The following AACS variants were observed in gnomAD, a reference collection of about 807,000 sequenced individuals.
AACS encodes acetoacetate-CoA ligase.
A neutral mutation model predicts 83.1 loss-of-function variants in AACS; 69 were observed. That is an observed-to-expected ratio of 0.83 (90% CI 0.68 to 1.01). AACS has a LOEUF of 1.01. Among genes scored for constraint, AACS ranks in the 50% least tolerant of loss-of-function variants. AACS has a pLI of 0.00. For missense variants in AACS, 866 were observed against 882.2 expected, an observed-to-expected ratio of 0.98 and a Z score of 0.23; for synonymous variants, 333 against 343.4, an observed-to-expected ratio of 0.97 and a Z score of 0.33.
intron 15 of AACS, among the ~76,000 whole-genome samples, chr12:125,134,285 GTGCC>G (rs1957369508): frequency 2.6e-5 from 4 of 152,198 alleles, no homozygotes; most frequent in Non-Finnish European, 5.9e-5. Flanking sequence ...CCCCACCCCT[GTGCC>G]TGTGCACACA....
intron 3 of AACS, among the ~76,000 whole-genome samples, chr12:125,080,470 G>C (rs912648932): frequency 6.7e-6 from 1 of 149,266 alleles, no homozygotes; most frequent in Non-Finnish European, 1.5e-5. Context: ...TGGGTGGGGT[G>C]TCTCTCTCTC....
At chr12:125,066,364 T>C (rs2136020903) in intron 1 of AACS, among the ~76,000 whole-genome samples, 1 of 150,914 alleles carries the variant, frequency 6.6e-6, no homozygotes, top group South Asian at 2.1e-4. Context: ...GGGTAACCGC[T>C]CCGGGTGCTC....
chr12:125,118,553 G>C, intron 9 of AACS, 88 bp from the exon 10 acceptor site: 2 of 1,556,192 alleles, frequency 1.3e-6, no homozygotes, highest in South Asian at 1.2e-5. Flanking sequence ...ATCTTAGGTG[G>C]TTTCCCAGGG....
In AACS at chr12:125,102,809, G is replaced by T. The variant is rs763625104; in HGVS notation, c.685+16G>T. The T allele has an allele frequency of 6.2e-7, 1 of 1,611,112 alleles. No homozygotes were observed. Among genetic ancestry groups the T allele is most frequent in the Non-Finnish European group, 8.5e-7 (1 of 1,177,342 alleles). On this transcript the variant is annotated intron_variant, in intron 6 of 17. Transcript: ENST00000316519. ...GTGGTTAAAGGTGTGTGGCCCTTCC[G>T]GCTCCCAGCCGGCATGGCTGGGTGT...
rs367733773 is a variant in AACS, at chr12:125,111,303, G to A, written c.916-3174G>A. On this transcript the variant is annotated intron_variant, in intron 8 of 17. Transcript: ENST00000316519. ...GCATTTTTAGAAATCTTGCAGACAA[G>A]GGTCGGGGCGGGGGCGGGTGTATGT... Among the ~76,000 whole-genome samples the A allele has an allele frequency of 5.3e-4, 80 of 151,732 alleles. 4 individuals are homozygous for A. In the East Asian group the frequency reaches 0.01, roughly 19 times the overall value.
chr12:125,085,477 G>T (rs1004811989), intron 3 of AACS, among the ~76,000 whole-genome samples: 3 of 151,898 alleles, frequency 2.0e-5, no homozygotes, highest in Admixed American at 6.5e-5. Context: ...GTGTTTCGTG[G>T]AACCACACAC....
At chr12:125,133,452 T>G (rs1957356117) in intron 14 of AACS, among the ~76,000 whole-genome samples, 2 of 152,186 alleles carry the variant, frequency 1.3e-5, no homozygotes, top group Admixed American at 1.3e-4. Context: ...CTCTTCCCCG[T>G]CTCCTCATCC....
intron 1 of AACS, among the ~76,000 whole-genome samples, chr12:125,067,603 G>C (rs545498130): frequency 1.3e-5 from 2 of 151,786 alleles, no homozygotes; most frequent in Admixed American, 1.3e-4. Context: ...GCGCAATCTC[G>C]GCTCATTGCA....
intron 5 of AACS, 149 bp downstream of exon 5, chr12:125,091,672 A>T (rs1956490099): frequency 5.3e-6 from 4 of 752,920 alleles, no homozygotes. Context: ...TGGGGAAAGA[A>T]GCCAGAAGGA....
chr12:125,103,083 T>G lies in AACS; in HGVS notation c.767+2T>G, dbSNP rs41526953. 6.2e-7 allele frequency: 1 copy of G among 1,613,364 alleles called. No individual in the cohort carries two copies. Among genetic ancestry groups the G allele is most frequent in the East Asian group, 2.2e-5 (1 of 44,882 alleles). Reference sequence around the variant, plus strand: ...AGACCTTTCAAAGATTCCAAACAGGTAATGTACCGCATTCTGACCCACAGG... The same window carrying G: ...AGACCTTTCAAAGATTCCAAACAGGGAATGTACCGCATTCTGACCCACAGG... On this transcript the variant is annotated splice_donor_variant, in intron 7 of 17. Coordinates refer to ENST00000316519, the MANE Select transcript of AACS (RefSeq NM_023928.5). LOFTEE classifies it high-confidence loss of function.
At chr12:125,103,999 A>AAAG (rs1956778533) in intron 7 of AACS, among the ~76,000 whole-genome samples, 1 of 132,178 alleles carries the variant, frequency 7.6e-6, no homozygotes, top group East Asian at 2.4e-4. Flanking sequence ...AAAAAAAAAA[A>AAAG]AAAAAAAAAA....
intron 5 of AACS, among the ~76,000 whole-genome samples, chr12:125,095,232 G>A (rs1406191509): frequency 1.3e-5 from 2 of 152,166 alleles, no homozygotes; most frequent in Non-Finnish European, 2.9e-5. Context: ...AGCTGGTTTT[G>A]GATGCTCGAG....
chr12:125,135,001 G>A, intron 16 of AACS, 149 bp downstream of exon 16: 1 of 908,164 alleles, frequency 1.1e-6, no homozygotes, highest in Non-Finnish European at 1.7e-6. Flanking sequence ...CTCCTTTCCA[G>A]AACATACCTT....
At position 125,066,637 on chromosome 12, in the gene AACS, C is replaced by T. The variant is rs373257659; in HGVS notation, c.133+920C>T. 2.0e-3 allele frequency among the ~76,000 whole-genome samples: 306 copies of T among 151,962 alleles called. 3 individuals are homozygous for T. The highest frequency in any genetic ancestry group is 6.5e-3 in the African/African-American group (271 of 41,468). ...GCTAATTTTGTATTTTTAGTAGAGA[C>T]GGAGTTTCTCCATGTTGGTCAGGCT... is the stretch of plus-strand genomic sequence containing the variant. On this transcript the variant is annotated intron_variant, in intron 1 of 17. Transcript: ENST00000316519.
At chr12:125,095,146 T>C (rs1172895535) in intron 5 of AACS, among the ~76,000 whole-genome samples, 4 of 152,140 alleles carry the variant, frequency 2.6e-5, no homozygotes, top group Non-Finnish European at 5.9e-5. Flanking sequence ...GTCAGACACA[T>C]GTTCATAGGT....
At chr12:125,073,709 G>A (rs1955940198) in intron 1 of AACS, among the ~76,000 whole-genome samples, 167 bp from the exon 2 acceptor site, 1 of 152,190 alleles carries the variant, frequency 6.6e-6, no homozygotes, top group South Asian at 2.1e-4. Context: ...GACTAGTGGT[G>A]TTGGGTTTGC....
intron 14 of AACS, among the ~76,000 whole-genome samples, chr12:125,133,048 C>T (rs971932616): frequency 6.6e-6 from 1 of 152,168 alleles, no homozygotes; most frequent in African/African-American, 2.4e-5. Context: ...ATCTTCGGGG[C>T]GTTATTGCAG....
At chr12:125,103,413 A>G (rs1281208633) in intron 7 of AACS, among the ~76,000 whole-genome samples, 1 of 151,960 alleles carries the variant, frequency 6.6e-6, no homozygotes, top group Non-Finnish European at 1.5e-5. Context: ...GTTTACATGT[A>G]TGTGCACATG....
At chr12:125,125,109 C>T in intron 12 of AACS, 85 bp downstream of exon 12, 2 of 1,576,568 alleles carry the variant, frequency 1.3e-6, no homozygotes, top group Non-Finnish European at 1.7e-6. Flanking sequence ...TTGGATTCAT[C>T]CCAAGGACAC....
Sources: allele counts gnomAD v4.1 joint callset (sites outside exome capture counted in the v4.1 genomes callset), GRCh38; gene constraint gnomAD v4.1.1; transcripts MANE v1.5; gene names NCBI Gene and HGNC (gene_info 2026-07-23, HGNC 2026-07-21).